The following MBD5 variants were observed in gnomAD, a reference collection of about 807,000 sequenced individuals.
MBD5 encodes methyl-CpG-binding domain protein 5.
MBD5 carries 13 observed loss-of-function variants against 117.3 expected under a neutral mutation model. The ratio of observed to expected loss-of-function variants is 0.11; its 90% CI spans 0.07 to 0.18. The LOEUF is 0.18. Among genes scored for constraint, MBD5 ranks in the 10% least tolerant of loss-of-function variants. The pLI is 1.00. For synonymous variants in MBD5, 727 were observed against 766.4 expected (o/e 0.95, Z 0.85); for missense variants, 1,879 against 2,093.8 (o/e 0.90, Z 2.00).
At chr2:148,074,040 G>A (rs1022042419) in intron 1 of MBD5, among the ~76,000 whole-genome samples, 4 of 151,150 alleles carry the variant, frequency 2.6e-5, no homozygotes, top group African/African-American at 9.7e-5. Flanking sequence ...TGAATATTTA[G>A]AATTTTTCTA....
chr2:148,185,555 C>T (rs1698633810), intron 2 of MBD5, among the ~76,000 whole-genome samples: 1 of 152,124 alleles, frequency 6.6e-6, no homozygotes, highest in African/African-American at 2.4e-5. Flanking sequence ...TAAATAGATA[C>T]ATAGTCATGG....
chr2:148,357,958 T>C (rs1703429218), intron 4 of MBD5, among the ~76,000 whole-genome samples: 1 of 152,184 alleles, frequency 6.6e-6, no homozygotes, highest in Admixed American at 6.5e-5. Context: ...CCTCCCTGTG[T>C]ATCTACAGAT....
At chr2:148,406,801 A>G (rs986158398) in intron 4 of MBD5, among the ~76,000 whole-genome samples, 3 of 151,814 alleles carry the variant, frequency 2.0e-5, no homozygotes, top group South Asian at 2.1e-4. Context: ...TGCCTGGAAT[A>G]CTCTTCCCCT....
At chr2:148,266,324 G>T (rs981459838) in intron 3 of MBD5, among the ~76,000 whole-genome samples, 2 of 151,978 alleles carry the variant, frequency 1.3e-5, no homozygotes, top group Admixed American at 6.6e-5. Context: ...TACATTAAAA[G>T]CATTCAATAA....
At chr2:148,198,260 G>C (rs961825803) in intron 2 of MBD5, among the ~76,000 whole-genome samples, 3 of 151,710 alleles carry the variant, frequency 2.0e-5, no homozygotes, top group African/African-American at 7.3e-5. Flanking sequence ...TATTGCCTTC[G>C]TATGTGTCTG....
chr2:148,046,024 G>A (rs1427380932), intron 1 of MBD5, among the ~76,000 whole-genome samples: 5 of 114,052 alleles, frequency 4.4e-5, no homozygotes, highest in South Asian at 2.9e-4. Flanking sequence ...TCGCGGTGTT[G>A]CCAGGCTGGA....
chr2:148,044,196 C>G (rs563324679), intron 1 of MBD5, among the ~76,000 whole-genome samples: 1 of 152,228 alleles, frequency 6.6e-6, no homozygotes, highest in African/African-American at 2.4e-5. Flanking sequence ...TTTGACCAAA[C>G]ATTTCCTTGC....
intron 4 of MBD5, among the ~76,000 whole-genome samples, chr2:148,371,910 C>A (rs904500828): frequency 5.9e-5 from 9 of 152,122 alleles, no homozygotes; most frequent in Non-Finnish European, 1.2e-4. Context: ...ATTGAAAAAC[C>A]TGCTTTGGCT....
At chr2:148,279,578 C>T (rs899507734) in intron 3 of MBD5, among the ~76,000 whole-genome samples, 1 of 152,208 alleles carries the variant, frequency 6.6e-6, no homozygotes, top group African/African-American at 2.4e-5. Context: ...ACCCACAATC[C>T]ACTATCACAG....
chr2:148,429,954 C>G (rs1389484901), intron 4 of MBD5, among the ~76,000 whole-genome samples: 1 of 152,080 alleles, frequency 6.6e-6, no homozygotes, highest in African/African-American at 2.4e-5. Flanking sequence ...TGCAACAAAT[C>G]TGCACATTCT....
rs1220326760 is a variant in MBD5, at chr2:148,489,657, A to G, written c.4025A>G (p.Asn1342Ser). 1 of 1,614,152 alleles carries G rather than the reference A, an allele frequency of 6.2e-7. No individual in the cohort carries two copies. The highest frequency in any genetic ancestry group is 1.7e-5 in the Admixed American group (1 of 60,024). ...CAGGTTGTCATCACCACTGCAGTCA[A>G]CAGTACAACTCAGATCAGCCCCATT... is the stretch of plus-strand genomic sequence containing the variant. ...GMQVVITTAVNSTTQISPIPA... is the reference protein window; with the variant it reads ...GMQVVITTAVSSTTQISPIPA... The change falls in exon 11 of 14, where the codon AAC becomes AGC. Residue 1342 changes from asparagine (N) to serine (S), a missense_variant. By Grantham distance (46) the Asn-to-Ser change is conservative. Around this residue, in one of 4 missense-constraint regions of MBD5, gnomAD observed 1,666 missense variants for 1,792.2 expected, o/e 0.93. Coordinates refer to ENST00000642680, the MANE Select transcript of MBD5 (RefSeq NM_001378120.1).
At chr2:148,412,412 T>C (rs1294058182) in intron 4 of MBD5, among the ~76,000 whole-genome samples, 2 of 151,926 alleles carry the variant, frequency 1.3e-5, no homozygotes, top group African/African-American at 2.4e-5. Flanking sequence ...CCTTTGTTCC[T>C]TTTACTTAGG....
In MBD5 at chr2:148,420,195, T is replaced by C. The variant is rs145784343; in HGVS notation, c.-556-38008T>C. ...GCTTGTCTCCCCAGCATTTTGTCTC[T>C]TTCCTGCCAGACTTTTCATCTTGCT... On this transcript the variant is annotated intron_variant, in intron 4 of 13. Transcript: ENST00000642680. Among the ~76,000 whole-genome samples, 1,396 of 152,322 alleles carry C rather than the reference T, an allele frequency of 9.2e-3. 3 individuals are homozygous for C. Among genetic ancestry groups the C allele is most frequent in the Non-Finnish European group, 0.012 (844 of 68,018 alleles).
chr2:148,412,358 C>CAG (rs993955587), intron 4 of MBD5, among the ~76,000 whole-genome samples: 2 of 146,668 alleles, frequency 1.4e-5, no homozygotes, highest in Admixed American at 6.8e-5. Flanking sequence ...GAGACAGAGA[C>CAG]AGAGAGAGAG....
chr2:148,161,772 C>T (rs887573401), intron 1 of MBD5, among the ~76,000 whole-genome samples: 5 of 152,124 alleles, frequency 3.3e-5, no homozygotes, highest in African/African-American at 1.2e-4. Context: ...TCTATGTCTT[C>T]TAGTATCCTG....
chr2:148,484,676 T>A (rs984795156), intron 9 of MBD5, among the ~76,000 whole-genome samples: 6 of 152,346 alleles, frequency 3.9e-5, no homozygotes, highest in African/African-American at 1.2e-4. Context: ...AGACAGCCCC[T>A]CTAGCTGCTA....
intron 4 of MBD5, among the ~76,000 whole-genome samples, chr2:148,376,061 A>T (rs925695982): frequency 6.6e-6 from 1 of 150,678 alleles, no homozygotes; most frequent in Non-Finnish European, 1.5e-5. Context: ...AGATGCCAAT[A>T]GCATACATAC....
At chr2:148,203,104 C>CAAA (rs529122300) in intron 2 of MBD5, among the ~76,000 whole-genome samples, 5 of 75,102 alleles carry the variant, frequency 6.7e-5, no homozygotes, top group African/African-American at 2.4e-4. Flanking sequence ...GACTCCATCT[C>CAAA]AAAAAAAAAA....
intron 3 of MBD5, among the ~76,000 whole-genome samples, chr2:148,240,822 G>T (rs1419971697): frequency 1.3e-5 from 2 of 151,882 alleles, no homozygotes; most frequent in Admixed American, 1.3e-4. Context: ...TTTTCATTTT[G>T]ATACTATACT....
Sources: allele counts gnomAD v4.1 joint callset (sites outside exome capture counted in the v4.1 genomes callset), GRCh38; gene constraint gnomAD v4.1.1; regional missense constraint gnomAD v4.1.1; transcripts MANE v1.5; gene names NCBI Gene and HGNC (gene_info 2026-07-23, HGNC 2026-07-21).